The following CTSE variants were observed in gnomAD, a reference collection of about 807,000 sequenced individuals.
CTSE encodes the protein cathepsin E, also known as erythrocyte membrane aspartic proteinase.
Under a neutral mutation model 42.8 loss-of-function variants are expected in CTSE, and 43 were observed. That is an observed-to-expected ratio of 1.01 (90% CI 0.79 to 1.30). The LOEUF (loss-of-function observed/expected upper bound fraction) is 1.30. Ranked by LOEUF, CTSE falls within the 50% of genes most tolerant of loss-of-function variation. The pLI is 0.00. For synonymous variants in CTSE, 205 were observed against 191.5 expected, an observed-to-expected ratio of 1.07 and a Z score of -0.58; for missense variants, 532 against 493.5, an observed-to-expected ratio of 1.08 and a Z score of -0.74.
At position 206,009,743 on chromosome 1, in the gene CTSE, A is replaced by T. The variant is rs111889529; in HGVS notation, c.*440T>A. ...ATTTGCTTCAGAATGATCCAGGTAC[A>T]GCATGTGGAGCTGGAGAGAGGAGTG... On this transcript the variant is annotated 3_prime_UTR_variant, in exon 9 of 9. Transcript: ENST00000358184. 7.4e-3 allele frequency: 1,242 copies of T among 167,734 alleles called. 16 individuals carry two copies. Among genetic ancestry groups the T allele is most frequent in the African/African-American group, 0.028 (1,159 of 41,952 alleles). The allele number at this position is 167,734 out of a possible 1,614,324, so 10.4% of individuals were successfully genotyped here. A position where few individuals can be genotyped will look rare whatever the true frequency, so the allele number is the denominator to read the frequency against.
chr1:206,022,296 G>T (rs782552555), intron 2 of CTSE, 29 bp from the exon 3 acceptor site: 2 of 1,523,574 alleles, frequency 1.3e-6, no homozygotes, highest in East Asian at 2.2e-5. Context: ...AGGAAAGAGG[G>T]TGTGGGTGGT....
At chr1:206,020,493 AT>A (rs1325586667) in intron 4 of CTSE, among the ~76,000 whole-genome samples, 1 of 151,928 alleles carries the variant, frequency 6.6e-6, no homozygotes, top group African/African-American at 2.4e-5. Flanking sequence ...CTGTCCCCAC[AT>A]TTGTCTGATT....
chr1:206,015,552 T>C (rs1303155302), intron 5 of CTSE, among the ~76,000 whole-genome samples: 2 of 152,238 alleles, frequency 1.3e-5, no homozygotes, highest in East Asian at 3.9e-4. Flanking sequence ...AATTATTTTA[T>C]TGTCAGCTTT....
rs782252558 is a variant in CTSE at position 206,022,152 on chromosome 1, C to A, written c.341G>T (p.Cys114Phe). 78 of 1,585,762 alleles carry A rather than the reference C, an allele frequency of 4.9e-5. No individual in the cohort carries two copies. The highest frequency in any genetic ancestry group is 6.4e-5 in the Non-Finnish European group (74 of 1,161,290). ...VPSVYCTSPA[C>F]KTHSRFQPSQ... is the part of the protein sequence containing the mutation. ...CTGGTGCTCCTGGCCCCACTTACTGCAGGCTGGGCTAGTGCAGTACACAGA... is the reference window on the plus strand; with the variant it reads ...CTGGTGCTCCTGGCCCCACTTACTGAAGGCTGGGCTAGTGCAGTACACAGA... The change falls in exon 3 of 9, where the codon TGC (cysteine) becomes TTC (phenylalanine). Residue 114 changes from cysteine to phenylalanine, a missense_variant and splice_region_variant. Coordinates refer to ENST00000358184, the MANE Select transcript of CTSE (RefSeq NM_001910.4).
intron 4 of CTSE, among the ~76,000 whole-genome samples, chr1:206,019,466 G>C (rs74875824): frequency 6.6e-6 from 1 of 151,866 alleles, no homozygotes; most frequent in Admixed American, 6.6e-5. Flanking sequence ...TGGTCCTGGA[G>C]CCAGAAAAAC....
chr1:206,023,629 C>T, intron 1 of CTSE, 95 bp downstream of exon 1: 2 of 1,210,618 alleles, frequency 1.7e-6, no homozygotes, highest in Non-Finnish European at 2.4e-6. Context: ...TTCTCCTCCT[C>T]TTCACCTCCC....
chr1:206,015,883 C>T, intron 5 of CTSE, 48 bp downstream of exon 5: 1 of 1,561,096 alleles, frequency 6.4e-7, no homozygotes, highest in Non-Finnish European at 8.8e-7. Flanking sequence ...TGTGTTGTCT[C>T]CCTGTAGTTA....
intron 4 of CTSE, among the ~76,000 whole-genome samples, chr1:206,017,646 C>A (rs552418652): frequency 1.3e-5 from 2 of 151,894 alleles, no homozygotes; most frequent in East Asian, 1.9e-4. Context: ...TGTGCCACCA[C>A]GCCTGGCTAA....
intron 4 of CTSE, among the ~76,000 whole-genome samples, chr1:206,020,719 T>C (rs782404259): frequency 2.0e-5 from 3 of 152,044 alleles, no homozygotes; most frequent in Non-Finnish European, 4.4e-5. Flanking sequence ...GGTGTGGACT[T>C]CTTTATCCTT....
Position 206,009,810 on chromosome 1 carries a change from G to GTATCATTAAAAAA in CTSE, c.*372_*373insTTTTTTAATGATA. 1.2e-5 allele frequency: 3 copies of GTATCATTAAAAAA among 258,700 alleles called. No individual in the cohort carries two copies. Among genetic ancestry groups the GTATCATTAAAAAA allele is most frequent in the Non-Finnish European group, 2.3e-5 (3 of 131,410 alleles). 16.0% of individuals were successfully genotyped at this position (258,700 alleles called of 1,614,324 possible). Reference sequence around the variant, plus strand: ...AACAGGCCTGGCCGTGTGTGGATGGGTTGTCAGGGCTGAGTGGAGTTGCAA... The same window carrying GTATCATTAAAAAA: ...AACAGGCCTGGCCGTGTGTGGATGGGTATCATTAAAAAATTGTCAGGGCTGAGTGGAGTTGCAA... On this transcript the variant is annotated 3_prime_UTR_variant, in exon 9 of 9. Transcript: ENST00000358184.
At chr1:206,023,660 A>G in intron 1 of CTSE, 64 bp downstream of exon 1, 1 of 1,488,322 alleles carries the variant, frequency 6.7e-7, no homozygotes. Flanking sequence ...CCTACCCCAG[A>G]GCAGCCCTGA....
intron 4 of CTSE, among the ~76,000 whole-genome samples, chr1:206,016,335 T>G (rs1661264665): frequency 6.6e-6 from 1 of 152,108 alleles, no homozygotes; most frequent in African/African-American, 2.4e-5. Context: ...CTGCCAATCA[T>G]TGCGCCCCTC....
In CTSE at chr1:206,022,286, A is replaced by G; in HGVS notation, c.226-19T>C. On this transcript the variant is annotated intron_variant, in intron 2 of 8. Transcript: ENST00000358184. ...ATTCCATCTGCAAGGAAGAGTGAGA[A>G]GGAAAGAGGGTGTGGGTGGTGGGGA... 6.4e-7 allele frequency: 1 copy of G among 1,568,710 alleles called. No homozygotes were observed. The highest frequency in any genetic ancestry group is 8.7e-7 in the Non-Finnish European group (1 of 1,143,654).
intron 4 of CTSE, among the ~76,000 whole-genome samples, chr1:206,016,579 T>C (rs1047377721): frequency 2.0e-5 from 3 of 152,088 alleles, no homozygotes; most frequent in African/African-American, 7.2e-5. Flanking sequence ...TGTTTACTTT[T>C]CACATTGCGA....
chr1:206,021,236 CCAGCCCCA>C, intron 3 of CTSE, 69 bp from the exon 4 acceptor site: 1 of 1,240,968 alleles, frequency 8.1e-7, no homozygotes, highest in South Asian at 1.2e-5. Flanking sequence ...CTAATGCCAC[CCAGCCCCA>C]CAGCGGCAGG....
intron 4 of CTSE, among the ~76,000 whole-genome samples, chr1:206,017,970 G>A (rs1392145090): frequency 9.9e-5 from 15 of 151,836 alleles, no homozygotes; most frequent in Non-Finnish European, 1.5e-5. Flanking sequence ...TTGTTGCACT[G>A]GCTAGGATTT....
In CTSE at chr1:206,016,598, C is replaced by A. The variant is rs184975145; in HGVS notation, c.463-468G>T. Among the ~76,000 whole-genome samples, 4 of 152,098 alleles carry A rather than the reference C, an allele frequency of 2.6e-5. No individual in the cohort carries two copies. The East Asian group carries it at 7.7e-4, about 29-fold the overall frequency. On this transcript the variant is annotated intron_variant, in intron 4 of 8. Transcript: ENST00000358184. ...TACTTTTCACATTGCGATCTGGAAC[C>A]TATATGAAATGTGATAATGTGTAAG...
intron 5 of CTSE, among the ~76,000 whole-genome samples, chr1:206,015,273 A>G (rs559920321): frequency 6.6e-6 from 1 of 152,238 alleles, no homozygotes; most frequent in Admixed American, 6.5e-5. Context: ...TAGGCCATCA[A>G]CAACGGTTTA....
intron 4 of CTSE, among the ~76,000 whole-genome samples, chr1:206,018,635 G>T (rs547370039): frequency 6.6e-6 from 1 of 151,680 alleles, no homozygotes; most frequent in African/African-American, 2.4e-5. Context: ...CATCAGTTTT[G>T]GTATGCTGTA....
Sources: allele counts gnomAD v4.1 joint callset (sites outside exome capture counted in the v4.1 genomes callset), GRCh38; gene constraint gnomAD v4.1.1; transcripts MANE v1.5; gene names NCBI Gene and HGNC (gene_info 2026-07-23, HGNC 2026-07-21).